Variants in PWWP2B observed in about 807,000 individuals in gnomAD.
PWWP2B encodes the protein PWWP domain containing 2B.
Under a neutral mutation model 15.5 loss-of-function variants are expected in PWWP2B, and 9 were observed. The observed-to-expected ratio is 0.58, with a 90% CI of 0.35 to 1.02. The LOEUF is 1.02. PWWP2B is among the 50% of genes least tolerant of loss of function. The pLI, the probability that PWWP2B is intolerant of heterozygous loss-of-function variation, is 0.02. For missense variants in PWWP2B, 864 were observed against 865.3 expected (o/e 1.00, Z 0.02); for synonymous variants, 474 against 403.6 (o/e 1.17, Z -2.09).
intron 2 of PWWP2B, among the ~76,000 whole-genome samples, chr10:132,412,603 C>T (rs964982708): frequency 2.0e-5 from 3 of 152,218 alleles, no homozygotes; most frequent in Non-Finnish European, 2.9e-5. Context: ...CCTGGGGCTC[C>T]GCCTACCGTT....
chr10:132,412,524 C>T (rs913586699), intron 2 of PWWP2B, among the ~76,000 whole-genome samples: 4 of 152,102 alleles, frequency 2.6e-5, no homozygotes, highest in South Asian at 2.1e-4. Context: ...CCTGGAGACC[C>T]GGGGGTTGGT....
At chr10:132,415,316 CCA>C (rs371758249) in intron 2 of PWWP2B, among the ~76,000 whole-genome samples, 151 of 140,266 alleles carry the variant, frequency 1.1e-3, no homozygotes, top group African/African-American at 3.7e-3. Context: ...TCACACACAT[CCA>C]CACACACCCC....
At chr10:132,404,562 C>G in intron 1 of PWWP2B, 64 bp from the exon 2 acceptor site, 1 of 1,420,256 alleles carries the variant, frequency 7.0e-7, no homozygotes, top group Non-Finnish European at 9.9e-7. Context: ...GCTCTGGGGG[C>G]TGGTGCGGGT....
chr10:132,398,858 C>T (rs1311762006), intron 1 of PWWP2B, among the ~76,000 whole-genome samples: 2 of 152,244 alleles, frequency 1.3e-5, no homozygotes, highest in Non-Finnish European at 2.9e-5. Flanking sequence ...AGCAGCCAAC[C>T]TTGCTGCCTT....
chr10:132,415,328 C>A (rs879462725), intron 2 of PWWP2B, among the ~76,000 whole-genome samples: 12 of 140,120 alleles, frequency 8.6e-5, no homozygotes, highest in Middle Eastern at 0.01. Context: ...ACACACACCC[C>A]CCCACACACA....
chr10:132,405,098 G>C lies in PWWP2B; in HGVS notation c.598G>C (p.Ala200Pro), dbSNP rs562622584. 7 of 1,536,056 alleles carry C rather than the reference G, an allele frequency of 4.6e-6. No individual in the cohort carries two copies. In the Admixed American group the frequency reaches 6.0e-5, roughly 13 times the overall value. Residue 200 changes from alanine to proline, a missense_variant, in exon 2 of 3, where the codon GCC becomes CCC. Coordinates refer to ENST00000305233, the MANE Select transcript of PWWP2B (RefSeq NM_138499.4). ...CCCCGGACCCCCAGCCGCGCCCAGG[G>C]CCCGCAGGAGGCTGGGCAGCGGCCC... Reference protein sequence around the residue: ...ASPGPPAAPRARRRLGSGPDR... With the variant: ...ASPGPPAAPRPRRRLGSGPDR...
At chr10:132,410,008 G>C (rs1032740186) in intron 2 of PWWP2B, among the ~76,000 whole-genome samples, 1 of 152,186 alleles carries the variant, frequency 6.6e-6, no homozygotes, top group African/African-American at 2.4e-5. Flanking sequence ...GACTCTGGGT[G>C]CTGTTGGAGA....
At chr10:132,414,390 C>T (rs965652275) in intron 2 of PWWP2B, among the ~76,000 whole-genome samples, 18 of 152,166 alleles carry the variant, frequency 1.2e-4, no homozygotes, top group African/African-American at 2.7e-4. Context: ...GAGCCTCTTT[C>T]GAATCCTAAA....
At chr10:132,416,036 G>A (rs1292574851) in intron 2 of PWWP2B, among the ~76,000 whole-genome samples, 2 of 152,220 alleles carry the variant, frequency 1.3e-5, no homozygotes, top group African/African-American at 2.4e-5. Context: ...GCTTCCTCAC[G>A]GCATGGTGGT....
intron 1 of PWWP2B, among the ~76,000 whole-genome samples, chr10:132,401,082 A>G (rs975589351): frequency 2.6e-5 from 4 of 152,218 alleles, no homozygotes. Context: ...CCTGACATCC[A>G]GGCGAGGCCC....
At chr10:132,415,657 G>A (rs149193001) in intron 2 of PWWP2B, among the ~76,000 whole-genome samples, 22 of 114,658 alleles carry the variant, frequency 1.9e-4, no homozygotes, top group Non-Finnish European at 3.6e-4. Flanking sequence ...ACACACACAT[G>A]CACTCACACA....
intron 2 of PWWP2B, among the ~76,000 whole-genome samples, chr10:132,415,275 C>T (rs1400118084): frequency 6.6e-6 from 1 of 150,584 alleles, no homozygotes; most frequent in Non-Finnish European, 1.5e-5. Context: ...CACACATTCA[C>T]ATCCACTCTC....
chr10:132,415,356 CCACT>C (rs766413389), intron 2 of PWWP2B, among the ~76,000 whole-genome samples: 1 of 146,608 alleles, frequency 6.8e-6, no homozygotes. Flanking sequence ...TCACACACAT[CCACT>C]CACTGTCACA....
At chr10:132,400,469 TC>T (rs1396608186) in intron 1 of PWWP2B, among the ~76,000 whole-genome samples, 1 of 152,090 alleles carries the variant, frequency 6.6e-6, no homozygotes, top group Non-Finnish European at 1.5e-5. Context: ...CCCCTGGAGA[TC>T]CTGGGGCAGG....
chr10:132,404,604 G>C, intron 1 of PWWP2B, 22 bp from the exon 2 acceptor site: 1 of 1,605,564 alleles, frequency 6.2e-7, no homozygotes, highest in East Asian at 2.2e-5. Flanking sequence ...TCTCACTGTG[G>C]TTTCTCTCTC....
chr10:132,412,775 A>G (rs2069798268), intron 2 of PWWP2B, among the ~76,000 whole-genome samples: 1 of 152,198 alleles, frequency 6.6e-6, no homozygotes, highest in South Asian at 2.1e-4. Flanking sequence ...GAGAATTCTC[A>G]TGGAGGCCAG....
intron 2 of PWWP2B, among the ~76,000 whole-genome samples, chr10:132,412,932 C>T (rs2069800791): frequency 1.3e-5 from 2 of 152,380 alleles, no homozygotes; most frequent in Middle Eastern, 3.4e-3. Context: ...CATGCTCAGA[C>T]GGTGCCATCT....
intron 1 of PWWP2B, among the ~76,000 whole-genome samples, chr10:132,399,172 G>A (rs982085874): frequency 6.6e-6 from 1 of 152,182 alleles, no homozygotes; most frequent in African/African-American, 2.4e-5. Flanking sequence ...GCCTTCCCCA[G>A]GTGCCAGTTT....
chr10:132,408,379 A>G (rs1330426183), intron 2 of PWWP2B, among the ~76,000 whole-genome samples: 1 of 152,134 alleles, frequency 6.6e-6, no homozygotes, highest in Non-Finnish European at 1.5e-5. Flanking sequence ...TTTGTAGGGG[A>G]AATGCGGGGG....
Sources: gnomAD v4.1 joint callset for allele counts (sites outside exome capture counted in the v4.1 genomes callset) on GRCh38, gnomAD v4.1.1 for gene constraint, MANE v1.5 for transcripts, NCBI Gene and HGNC (gene_info 2026-07-23, HGNC 2026-07-21) for gene names.